PDZD2: variants seen among roughly 807,000 people sequenced by gnomAD.
PDZD2 encodes the protein PDZ domain-containing protein 2.
PDZD2 carries 90 observed loss-of-function variants against 220.7 expected under a neutral mutation model. That is an observed-to-expected ratio of 0.41 (90% CI 0.34 to 0.49). The LOEUF (loss-of-function observed/expected upper bound fraction) is 0.49. Among genes scored for constraint, PDZD2 ranks in the 20% least tolerant of loss-of-function variants. The pLI is 0.28. For missense variants in PDZD2, 3,174 were observed against 3,608.5 expected (o/e 0.88, Z 3.08); for synonymous variants, 1,375 against 1,450.5 (o/e 0.95, Z 1.18).
At position 32,095,222 on chromosome 5, in the gene PDZD2, C is replaced by T. The variant is rs184256018; in HGVS notation, c.7846-2057C>T. ...TGGCTTATTCTAGGGCCTTCCTCAC[C>T]CCCTACTACTCACGCTCACCACGAG... On this transcript the variant is annotated intron_variant, in intron 21 of 24. Coordinates refer to ENST00000438447, the MANE Select transcript of PDZD2 (RefSeq NM_178140.4). Among the ~76,000 whole-genome samples, 13 of 152,230 alleles carry T rather than the reference C, an allele frequency of 8.5e-5. No homozygotes were observed. The East Asian group carries it at 2.3e-3, about 27-fold the overall frequency.
At chr5:31,688,824 G>C (rs901906958) in intron 1 of PDZD2, among the ~76,000 whole-genome samples, 1 of 152,144 alleles carries the variant, frequency 6.6e-6, no homozygotes, top group Non-Finnish European at 1.5e-5. Context: ...CCCCAAGCAG[G>C]GGGTGGTCAG....
chr5:31,733,406 G>T (rs531862356), intron 1 of PDZD2, among the ~76,000 whole-genome samples: 3 of 152,140 alleles, frequency 2.0e-5, no homozygotes, highest in African/African-American at 4.8e-5. Context: ...TCTTTCCCCC[G>T]TTCTCTTGCT....
At chr5:31,935,993 A>G (rs1745690340) in intron 2 of PDZD2, 13 of 597,336 alleles carry the variant, frequency 2.2e-5, no homozygotes, top group Non-Finnish European at 2.5e-5. Context: ...CCTGGTTCCA[A>G]TACACTGGCA....
intron 2 of PDZD2, among the ~76,000 whole-genome samples, chr5:31,853,724 TAGGGGCTGCTGGATGCCCACAACC>T (rs1464056335): frequency 6.6e-6 from 1 of 152,174 alleles, no homozygotes; most frequent in African/African-American, 2.4e-5. Context: ...CATTTACTTT[TAGGGGCTGCTGGATGCCCACAACC>T]AGAGCTTAGA....
chr5:31,800,286 C>T (rs10472196), intron 2 of PDZD2, among the ~76,000 whole-genome samples: 94,940 of 152,118 alleles, frequency 0.62, 31,763 homozygotes, highest in African/African-American at 0.88. Flanking sequence ...GAGTAGAGTC[C>T]GTGGAGACCA....
chr5:32,003,446 TC>T (rs143898797), intron 5 of PDZD2, among the ~76,000 whole-genome samples: 5,407 of 17,852 alleles, frequency 0.3, 475 homozygotes, highest in East Asian at 0.52. Flanking sequence ...CCCTACACAC[TC>T]CCCCCAACAC....
At chr5:31,833,635 C>CAAA (rs75394129) in intron 2 of PDZD2, among the ~76,000 whole-genome samples, 5,021 of 125,964 alleles carry the variant, frequency 0.04, 116 homozygotes, top group Middle Eastern at 0.079. Context: ...GACCCTGTCT[C>CAAA]AAAAAAAAAA....
chr5:31,890,943 T>C (rs561135337), intron 2 of PDZD2, among the ~76,000 whole-genome samples: 2 of 152,230 alleles, frequency 1.3e-5, no homozygotes, highest in African/African-American at 4.8e-5. Flanking sequence ...ACAAATGGCA[T>C]CCACTTGGAT....
intron 2 of PDZD2, among the ~76,000 whole-genome samples, chr5:31,907,982 C>G (rs1463691479): frequency 6.7e-6 from 1 of 149,270 alleles, no homozygotes; most frequent in Non-Finnish European, 1.5e-5. Flanking sequence ...ACTCAGGAGG[C>G]CGAGGCAGGA....
chr5:32,063,877 T>C (rs965790486), intron 14 of PDZD2, among the ~76,000 whole-genome samples: 2 of 152,134 alleles, frequency 1.3e-5, no homozygotes, highest in Non-Finnish European at 2.9e-5. Context: ...TTTGTTAGAG[T>C]GTGAGGATGT....
At position 31,902,592 on chromosome 5, in the gene PDZD2, C is replaced by T. The variant is rs571451331; in HGVS notation, c.477-80563C>T. On this transcript the variant is annotated intron_variant, in intron 2 of 24. Coordinates refer to ENST00000438447, the MANE Select transcript of PDZD2 (RefSeq NM_178140.4). ...CCTCCTCCCAGGTTTGAGCAATTCTCCAGCCTCAGCCTCCCGAGTAGCTGG... is the reference window on the plus strand; with the variant it reads ...CCTCCTCCCAGGTTTGAGCAATTCTTCAGCCTCAGCCTCCCGAGTAGCTGG... Among the ~76,000 whole-genome samples, 181 of 150,936 alleles carry T rather than the reference C, an allele frequency of 1.2e-3. 1 individual carries two copies. The highest frequency in any genetic ancestry group is 3.9e-3 in the African/African-American group (161 of 41,184).
At position 31,723,762 on chromosome 5, in the gene PDZD2, C is replaced by T. The variant is rs1316334104; in HGVS notation, c.-360-75127C>T. Among the ~76,000 whole-genome samples, 14 of 152,198 alleles carry T rather than the reference C, an allele frequency of 9.2e-5. No homozygotes were observed. The East Asian group carries it at 1.4e-3, about 15-fold the overall frequency. ...CCTCCCGAGCAGCTGGGATTACAGG[C>T]GCCCACCACCACGCCTGGCTAATTT... is the stretch of plus-strand genomic sequence containing the variant. On this transcript the variant is annotated intron_variant, in intron 1 of 24. Coordinates refer to ENST00000438447, the MANE Select transcript of PDZD2 (RefSeq NM_178140.4).
chr5:31,840,439 TATATATA>T (rs1561499368), intron 2 of PDZD2: 1,250 of 96,028 alleles, frequency 0.013, 105 homozygotes, highest in African/African-American at 0.02. Flanking sequence ...TATATATATA[TATATATA>T]TATTTGTTTA....
At chr5:31,666,607 G>A (rs1448029789) in intron 1 of PDZD2, among the ~76,000 whole-genome samples, 2 of 152,190 alleles carry the variant, frequency 1.3e-5, no homozygotes, top group Non-Finnish European at 1.5e-5. Context: ...TGGCAGAATG[G>A]TTTAGGAAGG....
intron 1 of PDZD2, among the ~76,000 whole-genome samples, chr5:31,775,869 G>C (rs1005647283): frequency 1.2e-4 from 19 of 152,204 alleles, no homozygotes; most frequent in African/African-American, 4.6e-4. Context: ...TGAGCTTCCG[G>C]TAACAAACCT....
At chr5:31,873,679 G>A (rs1739040137) in intron 2 of PDZD2, among the ~76,000 whole-genome samples, 1 of 151,734 alleles carries the variant, frequency 6.6e-6, no homozygotes, top group Admixed American at 6.6e-5. Context: ...TGGGATTACA[G>A]GCATGAGCCA....
intron 24 of PDZD2, chr5:32,106,456 C>T (rs1008532594): frequency 6.6e-6 from 1 of 152,270 alleles, no homozygotes; most frequent in African/African-American, 2.4e-5. Flanking sequence ...GGACCCCTGT[C>T]CTAGAAGACT....
intron 1 of PDZD2, among the ~76,000 whole-genome samples, chr5:31,689,336 CATATAT>C (rs200801339): frequency 1.8e-5 from 1 of 55,224 alleles, no homozygotes; most frequent in Non-Finnish European, 2.8e-5. Flanking sequence ...TATACATATA[CATATAT>C]ATATATATAT....
intron 3 of PDZD2, among the ~76,000 whole-genome samples, chr5:31,987,427 A>T (rs1364315379): frequency 6.6e-6 from 1 of 152,228 alleles, no homozygotes; most frequent in Non-Finnish European, 1.5e-5. Context: ...TAGAAAACTC[A>T]GAAGGAGCAT....
Sources: gnomAD v4.1 joint callset for allele counts (sites outside exome capture counted in the v4.1 genomes callset) on GRCh38, gnomAD v4.1.1 for gene constraint, MANE v1.5 for transcripts, NCBI Gene and HGNC (gene_info 2026-07-23, HGNC 2026-07-21) for gene names.